The following CLTC variants were observed in gnomAD, a reference collection of about 807,000 sequenced individuals.
The protein encoded by CLTC is clathrin heavy chain 1.
CLTC carries 16 observed loss-of-function variants against 195.8 expected under a neutral mutation model. That is an observed-to-expected ratio of 0.08 (90% CI 0.06 to 0.12). CLTC has a LOEUF of 0.12. CLTC is among the 10% of genes least tolerant of loss of function. The pLI is 1.00. For synonymous variants in CLTC, 667 were observed against 689.4 expected (o/e 0.97, Z 0.51); for missense variants, 796 against 2,027.0 (o/e 0.39, Z 11.66).
At chr17:59,621,642 G>A (rs1156935146) in intron 1 of CLTC, among the ~76,000 whole-genome samples, 1 of 152,172 alleles carries the variant, frequency 6.6e-6, no homozygotes, top group Non-Finnish European at 1.5e-5. Flanking sequence ...GTTAAATAAT[G>A]CACTTTCCTC....
chr17:59,631,030 G>C (rs2031699258), intron 1 of CLTC, among the ~76,000 whole-genome samples: 1 of 152,246 alleles, frequency 6.6e-6, no homozygotes, highest in Non-Finnish European at 1.5e-5. Context: ...AGAAATATAT[G>C]AGAGTTCCAT....
intron 1 of CLTC, among the ~76,000 whole-genome samples, chr17:59,628,601 G>C (rs1240849362): frequency 6.6e-6 from 1 of 152,154 alleles, no homozygotes; most frequent in Admixed American, 6.5e-5. Context: ...GATGCACACT[G>C]GGGGTCTCAG....
intron 5 of CLTC, among the ~76,000 whole-genome samples, chr17:59,651,833 C>G (rs1276512119): frequency 2.6e-5 from 4 of 152,148 alleles, no homozygotes; most frequent in African/African-American, 9.7e-5. Context: ...TAAAATAAGA[C>G]AGCAAAGAAG....
rs1447468772 is a variant in CLTC at position 59,619,965 on chromosome 17, C to G, written c.-167C>G. On this transcript the variant is annotated 5_prime_UTR_variant, in exon 1 of 32. Coordinates refer to ENST00000269122, the MANE Select transcript of CLTC (RefSeq NM_004859.4). ...TCTCCTGGCCCCTGGAGCCTCCGCC[C>G]CCGACCCGAGCTCTTTCGTCTGCCT... 3.2e-6 allele frequency: 2 copies of G among 620,104 alleles called. No homozygotes were observed. The highest frequency in any genetic ancestry group is 5.6e-5 in the East Asian group (2 of 35,998). The allele number at this position is 620,104 out of a possible 1,614,324, so 38.4% of individuals were successfully genotyped here.
At chr17:59,640,690 C>A (rs1258109264) in intron 1 of CLTC, among the ~76,000 whole-genome samples, 1 of 151,896 alleles carries the variant, frequency 6.6e-6, no homozygotes, top group Non-Finnish European at 1.5e-5. Context: ...TGAGCCACCA[C>A]GCCCAGCCGA....
intron 2 of CLTC, among the ~76,000 whole-genome samples, chr17:59,646,847 A>T: frequency 6.6e-6 from 1 of 152,236 alleles, no homozygotes; most frequent in East Asian, 1.9e-4. Context: ...TTGTTATCTT[A>T]AGCCGGTTAA....
chr17:59,690,754 T>G, intron 31 of CLTC, 43 bp downstream of exon 31: 1 of 1,423,354 alleles, frequency 7.0e-7, no homozygotes, highest in Middle Eastern at 1.9e-4. Context: ...TAGACAAATA[T>G]TTAATTACTT....
intron 1 of CLTC, among the ~76,000 whole-genome samples, chr17:59,636,773 T>G (rs546916174): frequency 6.6e-6 from 1 of 152,132 alleles, no homozygotes; most frequent in South Asian, 2.1e-4. Context: ...TCTTTCTTTT[T>G]CTTTTTGAGA....
rs1405923705 is a variant in CLTC, at chr17:59,656,012, A to T, written c.954A>T (p.Val318=). 1 of 1,610,830 alleles carries T rather than the reference A, an allele frequency of 6.2e-7. No homozygotes were observed. Among genetic ancestry groups the T allele is most frequent in the Non-Finnish European group, 8.5e-7 (1 of 1,179,108 alleles). The change falls in exon 6 of 32, where the codon GTA becomes GTT. Residue 318 remains valine (V), a synonymous_variant. Transcript: ENST00000269122. ...PHEATAGIIG[V]NRKGQVLSVC... ...AAGCCACAGCTGGAATAATTGGAGT[A>T]AACAGAAAGGGACAAGTAAGGAAAC... is the stretch of plus-strand genomic sequence containing the variant.
intron 14 of CLTC, among the ~76,000 whole-genome samples, chr17:59,670,021 C>T (rs1326652587): frequency 6.6e-6 from 1 of 152,088 alleles, no homozygotes; most frequent in Non-Finnish European, 1.5e-5. Flanking sequence ...AAAAGATACA[C>T]TTTTCAAAAA....
At chr17:59,687,891 T>TA (rs2033218436) in intron 30 of CLTC, among the ~76,000 whole-genome samples, 1 of 152,142 alleles carries the variant, frequency 6.6e-6, no homozygotes, top group Non-Finnish European at 1.5e-5. Flanking sequence ...GAAACAAACT[T>TA]ACGTCTGTTA....
intron 28 of CLTC, chr17:59,684,210 T>A (rs1025724090): frequency 2.2e-6 from 1 of 460,290 alleles, no homozygotes; most frequent in Non-Finnish European, 3.9e-6. Flanking sequence ...AAAAATGATA[T>A]GATTACTTTA....
intron 5 of CLTC, among the ~76,000 whole-genome samples, chr17:59,654,238 C>T (rs1371290275): frequency 1.3e-5 from 2 of 152,016 alleles, no homozygotes; most frequent in Non-Finnish European, 2.9e-5. Flanking sequence ...TGCAGTGGCG[C>T]AATCTCAGCT....
chr17:59,656,647 C>CT (rs2032473364), intron 6 of CLTC, among the ~76,000 whole-genome samples: 1 of 146,494 alleles, frequency 6.8e-6, no homozygotes. Flanking sequence ...GATTCTTTAT[C>CT]TGTCATCTTA....
chr17:59,626,858 A>C (rs1286583388), intron 1 of CLTC, among the ~76,000 whole-genome samples: 1 of 152,100 alleles, frequency 6.6e-6, no homozygotes, highest in African/African-American at 2.4e-5. Flanking sequence ...CTTTTGTATT[A>C]TCTCCTTAAA....
Position 59,665,985 on chromosome 17 carries a change from C to CTTAAGTGT in CLTC, c.1645-114_1645-107dup, listed in dbSNP as rs2032722012. The CTTAAGTGT allele has an allele frequency of 5.9e-6, 4 of 676,962 alleles. No individual in the cohort carries two copies. The East Asian group carries it at 1.1e-4, about 18-fold the overall frequency. 41.9% of individuals were successfully genotyped at this position (676,962 alleles called of 1,614,324 possible). On this transcript the variant is annotated intron_variant, in intron 10 of 31. Coordinates refer to ENST00000269122, the MANE Select transcript of CLTC (RefSeq NM_004859.4). Reference sequence around the variant, plus strand: ...GATCCCTAGAGGACAAAAATTTGTTCTTAAGTGTTTATATTGTCCAAATAA... The same window carrying CTTAAGTGT: ...GATCCCTAGAGGACAAAAATTTGTTCTTAAGTGTTTAAGTGTTTATATTGTCCAAATAA...
intron 1 of CLTC, among the ~76,000 whole-genome samples, chr17:59,631,135 A>G (rs2031702462): frequency 6.6e-6 from 1 of 152,128 alleles, no homozygotes; most frequent in Non-Finnish European, 1.5e-5. Context: ...GGTATTTTTA[A>G]TTCTGTGTGT....
chr17:59,673,853 C>A, intron 15 of CLTC, 81 bp downstream of exon 15: 1 of 805,288 alleles, frequency 1.2e-6, no homozygotes, highest in Non-Finnish European at 2.0e-6. Context: ...TTTTGAAACT[C>A]TGTGCTCAAT....
In CLTC at chr17:59,685,021, C is replaced by T. The variant is rs1400915832; in HGVS notation, c.4435-35C>T. On this transcript the variant is annotated intron_variant, in intron 28 of 31. Transcript: ENST00000269122. This position sits in a 1 kb window ranked among gnomAD's most constrained non-coding sequence, Gnocchi z 5.0. ...ACGGAATATAATGTTAAACAAAATACTGATCTGGCATTTGGATGGCTTTTT... is the reference window on the plus strand; with the variant it reads ...ACGGAATATAATGTTAAACAAAATATTGATCTGGCATTTGGATGGCTTTTT... 6.8e-7 allele frequency: 1 copy of T among 1,464,978 alleles called. No individual in the cohort carries two copies. The highest frequency in any genetic ancestry group is 9.1e-7 in the Non-Finnish European group (1 of 1,095,646). The allele number at this position is 1,464,978 out of a possible 1,614,324, so 90.7% of individuals were successfully genotyped here.
Sources: allele counts gnomAD v4.1 joint callset (sites outside exome capture counted in the v4.1 genomes callset), GRCh38; gene constraint gnomAD v4.1.1; non-coding constraint Gnocchi (gnomAD v3.1); transcripts MANE v1.5; gene names NCBI Gene and HGNC (gene_info 2026-07-23, HGNC 2026-07-21).